SYT16: variants seen among roughly 807,000 people sequenced by gnomAD.
The protein encoded by SYT16 is synaptotagmin 16.
In SYT16, 42 loss-of-function variants were observed where a neutral mutation model predicts 61.4. The observed-to-expected ratio is 0.68, with a 90% confidence interval of 0.53 to 0.89. The LOEUF (loss-of-function observed/expected upper bound fraction) is 0.89, where lower values mean the gene tolerates loss of function less well. SYT16 is among the 40% of genes least tolerant of loss of function. The pLI, the probability that SYT16 is intolerant of heterozygous loss-of-function variation, is 0.00. For synonymous variants in SYT16, 314 were observed against 302.3 expected, an observed-to-expected ratio of 1.04 and a Z score of -0.40; for missense variants, 804 against 807.3, an observed-to-expected ratio of 1.00 and a Z score of 0.05.
intron 2 of SYT16, among the ~76,000 whole-genome samples, chr14:61,974,091 C>A (rs978485489): frequency 1.3e-5 from 2 of 151,992 alleles, no homozygotes; most frequent in South Asian, 2.1e-4. Context: ...ACTGGTGGTG[C>A]CGGAGGGAGA....
chr14:62,017,783 C>T (rs767827043), intron 3 of SYT16, among the ~76,000 whole-genome samples: 6 of 151,106 alleles, frequency 4.0e-5, no homozygotes, highest in East Asian at 3.9e-4. Flanking sequence ...TGCAGTGGTG[C>T]GGTCATAGCT....
intron 7 of SYT16, among the ~76,000 whole-genome samples, chr14:62,088,962 T>G (rs1195290873): frequency 6.6e-6 from 1 of 152,026 alleles, no homozygotes; most frequent in South Asian, 2.1e-4. Flanking sequence ...ATACTTTTTT[T>G]TTTTTTTAAT....
At chr14:62,090,993 G>T (rs138515559) in intron 7 of SYT16, among the ~76,000 whole-genome samples, 380 of 152,206 alleles carry the variant, frequency 2.5e-3, no homozygotes, top group African/African-American at 8.7e-3. Flanking sequence ...CCATGATTCA[G>T]TTACCTCCCA....
intron 1 of SYT16, among the ~76,000 whole-genome samples, chr14:61,842,403 A>G (rs769398174): frequency 1.6e-4 from 25 of 152,192 alleles, no homozygotes; most frequent in Admixed American, 6.5e-5. Context: ...TTTAGGTCCC[A>G]CAAATAAATG....
At position 62,043,099 on chromosome 14, in the gene SYT16, CTT is replaced by C. The variant is rs58063130; in HGVS notation, c.524-26489_524-26488del. Among the ~76,000 whole-genome samples, 190 of 137,006 alleles carry C rather than the reference CTT, an allele frequency of 1.4e-3. 1 individual carries two copies. The highest frequency in any genetic ancestry group is 7.4e-3 in the Middle Eastern group (2 of 270). The allele number at this position is 137,006 out of a possible 152,430, so 89.9% of individuals were successfully genotyped here. ...GTTTTAAAGGTTGCCTGTGGTTTCT[CTT>C]TTTTTTTTTTTTTTACATAGAAAGT... On this transcript the variant is annotated intron_variant, in intron 3 of 7. Coordinates refer to ENST00000683842, the MANE Select transcript of SYT16 (RefSeq NM_001367656.1).
chr14:61,985,303 TTAGA>T (rs925693909), intron 2 of SYT16, among the ~76,000 whole-genome samples: 1 of 152,166 alleles, frequency 6.6e-6, no homozygotes, highest in Admixed American at 6.5e-5. Flanking sequence ...TAGCACTGAT[TTAGA>T]TAGAGACTTT....
chr14:62,100,770 A>G lies in SYT16; in HGVS notation c.*63A>G, dbSNP rs1019423289. ...GTTACCTGTGTTGCTGTCTACTGAC[A>G]CTAAGTGTCCTGGCAAGGGTTTCAG... On this transcript the variant is annotated 3_prime_UTR_variant, in exon 8 of 8. Transcript: ENST00000683842. The G allele has an allele frequency of 1.3e-6, 2 of 1,523,532 alleles. No individual in the cohort carries two copies. The allele number at this position is 1,523,532 out of a possible 1,614,324, so 94.4% of individuals were successfully genotyped here.
At chr14:62,050,189 C>T (rs2055206511) in intron 3 of SYT16, among the ~76,000 whole-genome samples, 1 of 152,170 alleles carries the variant, frequency 6.6e-6, no homozygotes, top group South Asian at 2.1e-4. Flanking sequence ...TCTTTTTTCT[C>T]TAAACTTCTC....
chr14:62,086,654 G>A (rs8014774), intron 7 of SYT16, among the ~76,000 whole-genome samples: 120,157 of 152,128 alleles, frequency 0.79, 47,936 homozygotes, highest in East Asian at 0.9. Flanking sequence ...ATTATATCTT[G>A]ATAAATATCT....
At position 61,816,979 on chromosome 14, in the gene SYT16, C is replaced by G. The variant is rs1463212483; in HGVS notation, c.-325+4169C>G. 3.4e-5 allele frequency among the ~76,000 whole-genome samples: 5 copies of G among 147,102 alleles called. No homozygotes were observed. In the East Asian group the frequency reaches 8.0e-4, roughly 23 times the overall value. Reference sequence around the variant, plus strand: ...TGAGCCGAGATCCTGCCACTGCACTCCAGCCTGGGCGACAGAGTGAGGCTC... The same window carrying G: ...TGAGCCGAGATCCTGCCACTGCACTGCAGCCTGGGCGACAGAGTGAGGCTC... On this transcript the variant is annotated intron_variant, in intron 1 of 7. Coordinates refer to ENST00000683842, the MANE Select transcript of SYT16 (RefSeq NM_001367656.1).
intron 1 of SYT16, among the ~76,000 whole-genome samples, chr14:61,873,943 GT>G: frequency 6.6e-6 from 1 of 152,302 alleles, no homozygotes; most frequent in Middle Eastern, 3.4e-3. Context: ...GGAGTTGTCA[GT>G]GTTTTAAGTA....
chr14:61,923,176 T>C (rs545557819), intron 1 of SYT16, among the ~76,000 whole-genome samples: 1 of 152,298 alleles, frequency 6.6e-6, no homozygotes, highest in South Asian at 2.1e-4. Context: ...AAAAGAATAT[T>C]CCAATTATTT....
intron 1 of SYT16, among the ~76,000 whole-genome samples, chr14:61,815,187 A>G (rs577143198): frequency 1.3e-5 from 2 of 152,340 alleles, no homozygotes; most frequent in Non-Finnish European, 2.9e-5. Flanking sequence ...AACAAGTTCC[A>G]GTGATACAGG....
intron 1 of SYT16, among the ~76,000 whole-genome samples, chr14:61,858,424 A>G (rs149599111): frequency 2.0e-5 from 3 of 152,320 alleles, no homozygotes; most frequent in African/African-American, 7.2e-5. Flanking sequence ...CTTCCCACCA[A>G]TACATCAACT....
chr14:62,026,101 A>G (rs2054092296), intron 3 of SYT16, among the ~76,000 whole-genome samples: 1 of 152,152 alleles, frequency 6.6e-6, no homozygotes, highest in African/African-American at 2.4e-5. Flanking sequence ...GTAATGTAGT[A>G]TCTGAGCCCT....
At chr14:62,058,340 C>CTTTTTT (rs796187620) in intron 3 of SYT16, among the ~76,000 whole-genome samples, 7 of 109,026 alleles carry the variant, frequency 6.4e-5, no homozygotes, top group East Asian at 2.6e-4. Flanking sequence ...TGTTTAAATT[C>CTTTTTT]TTTTTTTTTT....
chr14:61,975,167 AT>A (rs374080576), intron 2 of SYT16, among the ~76,000 whole-genome samples: 23 of 152,380 alleles, frequency 1.5e-4, no homozygotes, highest in African/African-American at 5.3e-4. Flanking sequence ...AGACAAAAAA[AT>A]CATGTGTTGA....
intron 2 of SYT16, among the ~76,000 whole-genome samples, chr14:61,989,907 G>A (rs2052475686): frequency 6.6e-6 from 1 of 152,136 alleles, no homozygotes; most frequent in African/African-American, 2.4e-5. Flanking sequence ...AAGGCCTGTT[G>A]GATTGCTCAT....
intron 1 of SYT16, among the ~76,000 whole-genome samples, chr14:61,861,330 A>G (rs1221902715): frequency 1.3e-5 from 2 of 152,240 alleles, no homozygotes; most frequent in Non-Finnish European, 2.9e-5. Context: ...TGGTAAAAAT[A>G]TAAACATTTT....
Sources: allele counts gnomAD v4.1 joint callset (sites outside exome capture counted in the v4.1 genomes callset), GRCh38; gene constraint gnomAD v4.1.1; transcripts MANE v1.5; gene names NCBI Gene and HGNC (gene_info 2026-07-23, HGNC 2026-07-21).